Variants in BLTP3B observed in about 807,000 individuals in gnomAD.
BLTP3B encodes the protein UHRF1 (ICBP90) binding protein 1-like.
At chr12:100,043,494 T>C in the BLTP3B span, among the ~76,000 whole-genome samples, 2 of 152,264 alleles carry the variant, frequency 1.3e-5, no homozygotes, top group Non-Finnish European at 2.9e-5. Context: ...AGCTTATAAT[T>C]ATAAAAGCTG....
chr12:100,122,168 T>C, the BLTP3B span, among the ~76,000 whole-genome samples: 1 of 152,094 alleles, frequency 6.6e-6, no homozygotes, highest in Admixed American at 6.6e-5. Context: ...TAAAAATATA[T>C]AAGGTATTAG....
the BLTP3B span, chr12:100,072,859 T>C: frequency 3.2e-6 from 5 of 1,539,544 alleles, no homozygotes; most frequent in Non-Finnish European, 4.3e-6. Context: ...AATAAAAACC[T>C]TTCCAAATAA....
At chr12:100,066,546 C>G in the BLTP3B span, among the ~76,000 whole-genome samples, 3 of 151,946 alleles carry the variant, frequency 2.0e-5, no homozygotes, top group East Asian at 5.8e-4. Flanking sequence ...ATAATCCCAG[C>G]ACTTTGGGAG....
chr12:100,140,750 AT>A, the BLTP3B span, among the ~76,000 whole-genome samples: 13 of 137,032 alleles, frequency 9.5e-5, no homozygotes, highest in African/African-American at 2.5e-4. Flanking sequence ...ATATATATAT[AT>A]ATAAAATAAA....
At chr12:100,136,551 C>T in the BLTP3B span, among the ~76,000 whole-genome samples, 1 of 152,184 alleles carries the variant, frequency 6.6e-6, no homozygotes, top group South Asian at 2.1e-4. Context: ...AATACATAAA[C>T]TCTCAAAAAT....
the BLTP3B span, among the ~76,000 whole-genome samples, chr12:100,085,655 T>C: frequency 6.6e-6 from 1 of 152,206 alleles, no homozygotes; most frequent in Non-Finnish European, 1.5e-5. Context: ...TGGAAAACTC[T>C]ATGATCTCTA....
chr12:100,127,288 C>G, the BLTP3B span, among the ~76,000 whole-genome samples: 1 of 152,204 alleles, frequency 6.6e-6, no homozygotes, highest in Non-Finnish European at 1.5e-5. Context: ...TGGCACCTTT[C>G]CCTTGGCAAT....
the BLTP3B span, among the ~76,000 whole-genome samples, chr12:100,090,702 TA>T: frequency 9.2e-5 from 14 of 152,154 alleles, no homozygotes; most frequent in Non-Finnish European, 1.8e-4. Context: ...AATATAGCTG[TA>T]AAACGTTAAA....
chr12:100,103,723 G>C, the BLTP3B span, among the ~76,000 whole-genome samples: 1 of 152,092 alleles, frequency 6.6e-6, no homozygotes, highest in African/African-American at 2.4e-5. Context: ...AAACTTTAAA[G>C]ATGCTCCTAC....
chr12:100,054,317 T>C, the BLTP3B span, among the ~76,000 whole-genome samples: 1 of 152,114 alleles, frequency 6.6e-6, no homozygotes, highest in East Asian at 1.9e-4. Flanking sequence ...AACATACATA[T>C]ATATGGGTAC....
the BLTP3B span, chr12:100,095,653 A>T: frequency 6.3e-7 from 1 of 1,581,192 alleles, no homozygotes; most frequent in African/African-American, 1.4e-5. Flanking sequence ...TTTCCTGTTA[A>T]CTTTATAGCT....
the BLTP3B span, among the ~76,000 whole-genome samples, chr12:100,124,970 A>ATATATATATATATG: frequency 9.9e-6 from 1 of 101,080 alleles, no homozygotes. Flanking sequence ...ATATATATAT[A>ATATATATATATATG]TATATATATT....
At chr12:100,098,200 AGAGT>A in the BLTP3B span, 1 of 778,310 alleles carries the variant, frequency 1.3e-6, no homozygotes, top group African/African-American at 1.7e-5. Flanking sequence ...CCTGAGCAAC[AGAGT>A]GAGACCCTGT....
chr12:100,140,305 T>C, the BLTP3B span, among the ~76,000 whole-genome samples: 1 of 151,314 alleles, frequency 6.6e-6, no homozygotes, highest in African/African-American at 2.4e-5. Flanking sequence ...TTTTGAAATA[T>C]GAAATAACTG....
the BLTP3B span, among the ~76,000 whole-genome samples, chr12:100,061,178 G>A: frequency 6.6e-6 from 1 of 152,300 alleles, no homozygotes; most frequent in Admixed American, 6.5e-5. Flanking sequence ...TAAAGTGGGT[G>A]CTGCAGAGAC....
At chr12:100,084,634 T>C in the BLTP3B span, 14 of 1,614,042 alleles carry the variant, frequency 8.7e-6, no homozygotes, top group South Asian at 1.2e-4. Context: ...ATCACTAAAA[T>C]ACATCCAATG....
At chr12:100,113,366 G>A in the BLTP3B span, among the ~76,000 whole-genome samples, 57 of 151,566 alleles carry the variant, frequency 3.8e-4, no homozygotes, top group East Asian at 5.5e-3. Flanking sequence ...TGGAGGCTGA[G>A]ACAGGAGAAT....
chr12:100,051,128 T>G, the BLTP3B span: 1 of 1,614,142 alleles, frequency 6.2e-7, no homozygotes, highest in Non-Finnish European at 8.5e-7. Flanking sequence ...ACTGATGGCA[T>G]CTGGAGAAGT....
At chr12:100,059,773 G>A in the BLTP3B span, 2 of 1,389,662 alleles carry the variant, frequency 1.4e-6, no homozygotes, top group Non-Finnish European at 2.0e-6. Flanking sequence ...AATAATCAAT[G>A]TAACATACAT....
Sources: allele counts gnomAD v4.1 joint callset (sites outside exome capture counted in the v4.1 genomes callset), GRCh38; gene constraint gnomAD v4.1.1; transcripts MANE v1.5; gene names NCBI Gene and HGNC (gene_info 2026-07-23, HGNC 2026-07-21).